KCND2: variants seen among roughly 807,000 people sequenced by gnomAD.
KCND2 encodes A-type voltage-gated potassium channel KCND2.
KCND2 carries 16 observed loss-of-function variants against 54.4 expected under a neutral mutation model. That is an observed-to-expected ratio of 0.29 (90% CI 0.20 to 0.45). KCND2 has a LOEUF of 0.45. Among genes scored for constraint, KCND2 ranks in the 20% least tolerant of loss-of-function variants. The probability of loss-of-function intolerance (pLI) is 1.00; values close to 1 mark genes in which losing one functional copy is unlikely to be tolerated. For missense variants in KCND2, 486 were observed against 824.2 expected (o/e 0.59, Z 5.02); for synonymous variants, 317 against 310.7 (o/e 1.02, Z -0.21).
Position 120,518,177 on chromosome 7 carries a change from A to G in KCND2, c.1116-214726A>G, listed in dbSNP as rs1447336651. ...TGGCATTGTACTAGACCCTTTACAC[A>G]TATTATCTTATGATCAGAATGTATT... is the stretch of plus-strand genomic sequence containing the variant. On this transcript the variant is annotated intron_variant, in intron 1 of 5. Transcript: ENST00000331113. 1.3e-5 allele frequency among the ~76,000 whole-genome samples: 2 copies of G among 152,124 alleles called. 1 individual carries two copies. Among genetic ancestry groups the G allele is most frequent in the Non-Finnish European group, 2.9e-5 (2 of 68,018 alleles).
intron 1 of KCND2, among the ~76,000 whole-genome samples, chr7:120,451,047 G>C (rs1802098170): frequency 1.3e-5 from 2 of 151,810 alleles, no homozygotes; most frequent in African/African-American, 4.8e-5. Flanking sequence ...TTTTCCTTCT[G>C]TCTATTGATT....
intron 2 of KCND2, among the ~76,000 whole-genome samples, chr7:120,735,956 G>A (rs1792864508): frequency 1.3e-5 from 2 of 151,986 alleles, no homozygotes; most frequent in Admixed American, 6.6e-5. Flanking sequence ...CAGAACAAAC[G>A]CCCATTAGGC....
At chr7:120,515,851 T>C (rs900200864) in intron 1 of KCND2, among the ~76,000 whole-genome samples, 3 of 152,018 alleles carry the variant, frequency 2.0e-5, no homozygotes, top group African/African-American at 7.2e-5. Flanking sequence ...CCTCTCTTCA[T>C]GAGATAAAAC....
chr7:120,736,833 T>G (rs1421478334), intron 2 of KCND2, among the ~76,000 whole-genome samples: 2 of 151,790 alleles, frequency 1.3e-5, no homozygotes, highest in African/African-American at 4.8e-5. Flanking sequence ...TAGTATTATT[T>G]GAACTATGAA....
At chr7:120,331,503 C>A (rs1426293266) in intron 1 of KCND2, among the ~76,000 whole-genome samples, 1 of 151,496 alleles carries the variant, frequency 6.6e-6, no homozygotes, top group East Asian at 1.9e-4. Context: ...GGAAAAAAGA[C>A]AAAGAGTGAG....
intron 1 of KCND2, among the ~76,000 whole-genome samples, chr7:120,468,965 G>A (rs2116256151): frequency 6.6e-6 from 1 of 152,124 alleles, no homozygotes; most frequent in South Asian, 2.1e-4. Flanking sequence ...CATGACATTT[G>A]TTGGGAGATA....
intron 1 of KCND2, among the ~76,000 whole-genome samples, chr7:120,663,960 G>A (rs1791895794): frequency 6.7e-6 from 1 of 150,320 alleles, no homozygotes; most frequent in Non-Finnish European, 1.5e-5. Context: ...TAGGAGAAAA[G>A]AGGTCTAAGC....
chr7:120,525,168 C>T (rs939684721), intron 1 of KCND2, among the ~76,000 whole-genome samples: 1 of 152,110 alleles, frequency 6.6e-6, no homozygotes, highest in Non-Finnish European at 1.5e-5. Context: ...CTAACTCTTT[C>T]CCCAAATGTT....
intron 1 of KCND2, among the ~76,000 whole-genome samples, chr7:120,623,803 G>A (rs1793132612): frequency 6.6e-6 from 1 of 152,120 alleles, no homozygotes; most frequent in Non-Finnish European, 1.5e-5. Context: ...AGGTCCTGAA[G>A]AATTACAAAA....
intron 1 of KCND2, among the ~76,000 whole-genome samples, chr7:120,606,244 A>G (rs1276842938): frequency 6.6e-6 from 1 of 152,196 alleles, no homozygotes; most frequent in Non-Finnish European, 1.5e-5. Flanking sequence ...CCAATTTTAA[A>G]TTACTTTTAT....
chr7:120,703,231 C>T (rs1376270157), intron 1 of KCND2, among the ~76,000 whole-genome samples: 1 of 152,160 alleles, frequency 6.6e-6, no homozygotes, highest in Admixed American at 6.5e-5. Flanking sequence ...CAACCAATTC[C>T]CTGTTAAATT....
intron 1 of KCND2, among the ~76,000 whole-genome samples, chr7:120,635,558 G>A (rs1049571475): frequency 4.6e-5 from 7 of 152,158 alleles, no homozygotes; most frequent in African/African-American, 7.2e-5. Context: ...CATGTAATCA[G>A]GTGAGTGTTT....
At chr7:120,318,288 T>G (rs1275322217) in intron 1 of KCND2, among the ~76,000 whole-genome samples, 12 of 152,110 alleles carry the variant, frequency 7.9e-5, no homozygotes, top group Admixed American at 6.6e-4. Context: ...AATTACATAG[T>G]GATGCCATAG....
intron 1 of KCND2, among the ~76,000 whole-genome samples, chr7:120,363,410 A>G (rs192665803): frequency 2.0e-5 from 3 of 152,258 alleles, no homozygotes; most frequent in Admixed American, 1.3e-4. Context: ...TTTTAGCAAT[A>G]TTAGGGAATA....
intron 1 of KCND2, among the ~76,000 whole-genome samples, chr7:120,466,852 C>G (rs1266606848): frequency 1.3e-5 from 2 of 152,116 alleles, no homozygotes; most frequent in Non-Finnish European, 2.9e-5. Context: ...AGAGAATCCA[C>G]TCTCTCATCT....
intron 1 of KCND2, among the ~76,000 whole-genome samples, chr7:120,317,588 G>T (rs925987157): frequency 6.6e-6 from 1 of 152,084 alleles, no homozygotes; most frequent in African/African-American, 2.4e-5. Context: ...TACCTTATTA[G>T]TTACTAGTTA....
intron 1 of KCND2, among the ~76,000 whole-genome samples, chr7:120,452,564 T>A (rs1802129438): frequency 6.6e-6 from 1 of 152,138 alleles, no homozygotes; most frequent in African/African-American, 2.4e-5. Flanking sequence ...CAGGACCTGT[T>A]CCTGGCCTCC....
chr7:120,377,840 G>C lies in KCND2; in HGVS notation c.1115+102093G>C, dbSNP rs538848173. On this transcript the variant is annotated intron_variant, in intron 1 of 5. Coordinates refer to ENST00000331113, the MANE Select transcript of KCND2 (RefSeq NM_012281.3). ...CAGAAAGCCTCTGTGTGTCCCTTCA[G>C]CTTAATCTCAGAAGCTACATTGTCC... Among the ~76,000 whole-genome samples the C allele has an allele frequency of 3.0e-3, 463 of 151,950 alleles. 2 individuals are homozygous for C. Among genetic ancestry groups the C allele is most frequent in the African/African-American group, 0.011 (439 of 41,492 alleles).
intron 1 of KCND2, among the ~76,000 whole-genome samples, chr7:120,718,640 C>G (rs1792632038): frequency 6.6e-6 from 1 of 151,986 alleles, no homozygotes; most frequent in South Asian, 2.1e-4. Flanking sequence ...AAAGAGTGCT[C>G]TAAATGGGCA....
Sources: allele counts gnomAD v4.1 joint callset (sites outside exome capture counted in the v4.1 genomes callset), GRCh38; gene constraint gnomAD v4.1.1; transcripts MANE v1.5; gene names NCBI Gene and HGNC (gene_info 2026-07-23, HGNC 2026-07-21).